Variants in TAF4B observed in about 807,000 individuals in gnomAD.
TAF4B encodes the protein TATA-box binding protein associated factor 4b, also known as transcription initiation factor TFIID subunit 4B.
A neutral mutation model predicts 86.4 loss-of-function variants in TAF4B; 38 were observed. The ratio of observed to expected loss-of-function variants is 0.44; its 90% CI spans 0.34 to 0.58. TAF4B has a LOEUF of 0.58. Among genes scored for constraint, TAF4B ranks in the 20% least tolerant of loss-of-function variants. The probability of loss-of-function intolerance (pLI) is 0.02; values close to 1 mark genes in which losing one functional copy is unlikely to be tolerated. For synonymous variants in TAF4B, 388 were observed against 391.2 expected (o/e 0.99, Z 0.10); for missense variants, 988 against 1,027.6 (o/e 0.96, Z 0.53).
intron 5 of TAF4B, among the ~76,000 whole-genome samples, chr18:26,279,853 T>G (rs142916856): frequency 1.3e-5 from 2 of 151,852 alleles, no homozygotes; most frequent in Non-Finnish European, 1.5e-5. Flanking sequence ...ACCAGTATGG[T>G]CAACATGGCG....
At chr18:26,325,314 G>A (rs900979703) in intron 11 of TAF4B, among the ~76,000 whole-genome samples, 1 of 152,076 alleles carries the variant, frequency 6.6e-6, no homozygotes, top group Non-Finnish European at 1.5e-5. Context: ...ATTTGGTCTG[G>A]GTCATTACAT....
At chr18:26,232,621 C>T (rs2055689953) in intron 1 of TAF4B, among the ~76,000 whole-genome samples, 1 of 152,170 alleles carries the variant, frequency 6.6e-6, no homozygotes, top group South Asian at 2.1e-4. Flanking sequence ...TTTCAGAAGC[C>T]TTTTCCTATA....
At chr18:26,289,325 T>A (rs180917834) in intron 7 of TAF4B, among the ~76,000 whole-genome samples, 58 of 152,328 alleles carry the variant, frequency 3.8e-4, no homozygotes, top group Admixed American at 3.7e-3. Context: ...CAAATAATCA[T>A]TTAAAATATA....
chr18:26,327,936 A>G (rs990162076), intron 12 of TAF4B, among the ~76,000 whole-genome samples: 16 of 152,190 alleles, frequency 1.1e-4, no homozygotes, highest in Non-Finnish European at 7.4e-5. Context: ...TTCTTGGGCT[A>G]TTAGTGTCAC....
intron 9 of TAF4B, among the ~76,000 whole-genome samples, chr18:26,302,113 A>G (rs1379155227): frequency 1.3e-5 from 2 of 152,162 alleles, no homozygotes; most frequent in African/African-American, 4.8e-5. Flanking sequence ...TGAGGTTACA[A>G]TGGTCTGTAA....
At chr18:26,352,821 A>G (rs578132400) in intron 13 of TAF4B, among the ~76,000 whole-genome samples, 3 of 152,354 alleles carry the variant, frequency 2.0e-5, no homozygotes, top group East Asian at 3.9e-4. Context: ...GGCAACTTAG[A>G]TAGATTAAAT....
chr18:26,241,710 C>G (rs1032103719), intron 1 of TAF4B, among the ~76,000 whole-genome samples: 1 of 152,178 alleles, frequency 6.6e-6, no homozygotes, highest in African/African-American at 2.4e-5. Context: ...CCTGCTTTCT[C>G]TTATGGGAAT....
chr18:26,295,296 C>T, intron 9 of TAF4B: 1 of 299,230 alleles, frequency 3.3e-6, no homozygotes. Flanking sequence ...CTGGTAAATT[C>T]CTCAGGAAAG....
chr18:26,305,090 TC>T (rs1304725000), intron 9 of TAF4B, among the ~76,000 whole-genome samples: 4 of 152,190 alleles, frequency 2.6e-5, no homozygotes, highest in Non-Finnish European at 2.9e-5. Context: ...AGCAGTCTCT[TC>T]CTTTATGGCT....
chr18:26,379,687 A>C (rs1169531233), intron 14 of TAF4B, among the ~76,000 whole-genome samples: 2 of 152,072 alleles, frequency 1.3e-5, no homozygotes, highest in African/African-American at 4.8e-5. Flanking sequence ...TTGTATCTTC[A>C]TATGAATTTT....
intron 11 of TAF4B, among the ~76,000 whole-genome samples, chr18:26,322,975 G>T (rs2056975057): frequency 6.6e-6 from 1 of 151,814 alleles, no homozygotes; most frequent in South Asian, 2.1e-4. Context: ...CATTTCTTTT[G>T]AGATTTATTT....
intron 14 of TAF4B, among the ~76,000 whole-genome samples, chr18:26,376,226 C>CAAAAAAA (rs200383120): frequency 8.0e-6 from 1 of 125,124 alleles, no homozygotes. Flanking sequence ...TAATTTCAAC[C>CAAAAAAA]AAAAAAAAAA....
rs149705508 is a variant in TAF4B at position 26,382,936 on chromosome 18, G to T, written c.2422-6909G>T. Among the ~76,000 whole-genome samples the T allele has an allele frequency of 5.5e-3, 844 of 152,254 alleles. 4 individuals are homozygous for T. Among genetic ancestry groups the T allele is most frequent in the Non-Finnish European group, 1.0e-2 (678 of 68,002 alleles). ...GGTAAGTTTGTGTTTGTAGGCACTG[G>T]GGACACTTGATATCCTAGCTGAATC... is the stretch of plus-strand genomic sequence containing the variant. On this transcript the variant is annotated intron_variant, in intron 14 of 14. Coordinates refer to ENST00000269142, the MANE Select transcript of TAF4B (RefSeq NM_005640.3).
At chr18:26,329,992 T>G (rs1442617672) in intron 12 of TAF4B, among the ~76,000 whole-genome samples, 1 of 152,104 alleles carries the variant, frequency 6.6e-6, no homozygotes, top group East Asian at 1.9e-4. Flanking sequence ...TTTTTAGAGA[T>G]AGAGTCTCAC....
intron 9 of TAF4B, among the ~76,000 whole-genome samples, chr18:26,311,877 G>A (rs1334459485): frequency 6.6e-6 from 1 of 152,210 alleles, no homozygotes; most frequent in Non-Finnish European, 1.5e-5. Flanking sequence ...GAGAAGTTAA[G>A]GGGATAGAAG....
At position 26,265,277 on chromosome 18, in the gene TAF4B, C is replaced by G; in HGVS notation, c.451C>G (p.Pro151Ala). The G allele has an allele frequency of 6.2e-7, 1 of 1,613,908 alleles. No homozygotes were observed. The highest frequency in any genetic ancestry group is 8.5e-7 in the Non-Finnish European group (1 of 1,179,978). The change falls in exon 2 of 15, where the codon CCA becomes GCA. Residue 151 changes from proline to alanine, a missense_variant. Around this residue, in one of 3 missense-constraint regions of TAF4B, gnomAD observed 747 missense variants for 737.9 expected, o/e 1.01. Coordinates refer to ENST00000269142, the MANE Select transcript of TAF4B (RefSeq NM_005640.3). Reference protein sequence around the residue: ...TSNITSRPAVPANPQTVKICT... With the variant: ...TSNITSRPAVAANPQTVKICT... Reference sequence around the variant, plus strand: ...TAACATAACCTCAAGGCCAGCAGTACCAGCGAATCCTCAAACAGTCAAAAT... The same window carrying G: ...TAACATAACCTCAAGGCCAGCAGTAGCAGCGAATCCTCAAACAGTCAAAAT...
intron 10 of TAF4B, 79 bp downstream of exon 10, chr18:26,315,477 T>A (rs1280728862): frequency 1.6e-5 from 18 of 1,161,126 alleles, no homozygotes; most frequent in Non-Finnish European, 1.9e-5. Context: ...ACAACCTGGG[T>A]TGGTTGTCCT....
intron 1 of TAF4B, among the ~76,000 whole-genome samples, chr18:26,239,859 T>G (rs939576406): frequency 6.6e-6 from 1 of 152,160 alleles, no homozygotes; most frequent in South Asian, 2.1e-4. Context: ...TTTCCCCATT[T>G]CTTGTTTTTG....
rs1054917197 is a variant in TAF4B at position 26,226,910 on chromosome 18, A to G, written c.-24A>G. The G allele has an allele frequency of 6.7e-6, 9 of 1,348,852 alleles. No individual in the cohort carries two copies. The South Asian group carries it at 7.5e-5, about 11-fold the overall frequency. 83.6% of individuals were successfully genotyped at this position (1,348,852 alleles called of 1,614,324 possible). A position where few individuals can be genotyped will look rare whatever the true frequency, so the allele number is the denominator to read the frequency against. On this transcript the variant is annotated 5_prime_UTR_variant, in exon 1 of 15. Transcript: ENST00000269142. Reference sequence around the variant, plus strand: ...CTCTGCTCCCGGAACCGCAGCGCCAAAGCTGCCGCTGAGCCCCTGGGGGAT... The same window carrying G: ...CTCTGCTCCCGGAACCGCAGCGCCAGAGCTGCCGCTGAGCCCCTGGGGGAT...
Sources: allele counts gnomAD v4.1 joint callset (sites outside exome capture counted in the v4.1 genomes callset), GRCh38; gene constraint gnomAD v4.1.1; regional missense constraint gnomAD v4.1.1; transcripts MANE v1.5; gene names NCBI Gene and HGNC (gene_info 2026-07-23, HGNC 2026-07-21).